Variants in MBNL1 observed in about 807,000 individuals in gnomAD.
MBNL1 encodes the protein muscleblind-like protein 1.
In MBNL1, 8 loss-of-function variants were observed where a neutral mutation model predicts 42.2. The observed-to-expected ratio is 0.19, with a 90% CI of 0.11 to 0.34. The LOEUF (loss-of-function observed/expected upper bound fraction) is 0.34, where lower values mean the gene tolerates loss of function less well. Among genes scored for constraint, MBNL1 ranks in the 10% least tolerant of loss-of-function variants. The pLI, the probability that MBNL1 is intolerant of heterozygous loss-of-function variation, is 1.00. For synonymous variants in MBNL1, 169 were observed against 173.9 expected (o/e 0.97, Z 0.22); for missense variants, 309 against 495.3 (o/e 0.62, Z 3.57).
chr3:152,387,241 ATTTTT>A (rs35150728), intron 2 of MBNL1, among the ~76,000 whole-genome samples: 1 of 136,274 alleles, frequency 7.3e-6, no homozygotes, highest in Non-Finnish European at 1.6e-5. Flanking sequence ...CAGTCTGTGT[ATTTTT>A]TTTTTTTTTT....
rs111981730 is a variant in MBNL1 at position 152,447,537 on chromosome 3, A to G, written c.808-83A>G. The G allele has an allele frequency of 9.0e-5, 103 of 1,150,728 alleles. No individual in the cohort carries two copies. In the African/African-American group the frequency reaches 1.5e-3, roughly 17 times the overall value. The allele number at this position is 1,150,728 out of a possible 1,614,324, so 71.3% of individuals were successfully genotyped here. ...GCTGCTTGCTTGCTCATGCTTCCTA[A>G]CAATTTTAGCCTTCGACTGATTTTT... On this transcript the variant is annotated intron_variant, in intron 5 of 9. Coordinates refer to ENST00000324210, the MANE Select transcript of MBNL1 (RefSeq NM_021038.5).
intron 2 of MBNL1, among the ~76,000 whole-genome samples, chr3:152,403,901 G>T (rs980410921): frequency 1.3e-5 from 2 of 152,146 alleles, no homozygotes; most frequent in Non-Finnish European, 2.9e-5. Context: ...AGGGAGGGGA[G>T]TGTTTTCTCC....
upstream of MBNL1, chr3:152,263,570 T>G (rs1393581744): frequency 6.6e-6 from 1 of 152,192 alleles, no homozygotes; most frequent in Admixed American, 6.5e-5. Context: ...CCCCAGCCAT[T>G]TGCTGTCTGT....
intron 4 of MBNL1, 134 bp downstream of exon 4, chr3:152,433,054 A>G (rs2099027026): frequency 1.5e-6 from 1 of 685,908 alleles, no homozygotes; most frequent in Non-Finnish European, 2.5e-6. Context: ...GGTTTGGAAC[A>G]TTTTACTAGA....
At chr3:152,333,839 A>G (rs1366162045) in intron 2 of MBNL1, among the ~76,000 whole-genome samples, 1 of 152,232 alleles carries the variant, frequency 6.6e-6, no homozygotes, top group Admixed American at 6.5e-5. Context: ...CAAATAAATG[A>G]AAATCAAAAT....
chr3:152,377,923 G>C (rs1193241184), intron 2 of MBNL1, among the ~76,000 whole-genome samples: 1 of 152,162 alleles, frequency 6.6e-6, no homozygotes, highest in Non-Finnish European at 1.5e-5. Flanking sequence ...TCTCATTAGT[G>C]TTATAACTAA....
intron 1 of MBNL1, among the ~76,000 whole-genome samples, chr3:152,291,389 A>G (rs1431919604): frequency 6.6e-6 from 1 of 152,194 alleles, no homozygotes; most frequent in Non-Finnish European, 1.5e-5. Context: ...TCAAGGAGGT[A>G]TTTAAATATG....
intron 2 of MBNL1, among the ~76,000 whole-genome samples, chr3:152,381,060 G>C (rs1265906037): frequency 1.3e-5 from 2 of 151,920 alleles, no homozygotes; most frequent in African/African-American, 4.8e-5. Context: ...AATCCAAATG[G>C]CAACAACCAT....
chr3:152,459,125 A>T, intron 8 of MBNL1, 146 bp from the exon 9 acceptor site: 2 of 439,688 alleles, frequency 4.5e-6, no homozygotes, highest in Non-Finnish European at 8.3e-6. Flanking sequence ...GTTTACATTA[A>T]CTTACTGTTA....
At chr3:152,355,641 G>A (rs2095461716) in intron 2 of MBNL1, among the ~76,000 whole-genome samples, 1 of 152,120 alleles carries the variant, frequency 6.6e-6, no homozygotes. Context: ...TTAGAAAAGT[G>A]TAATTTTTTA....
intron 2 of MBNL1, among the ~76,000 whole-genome samples, chr3:152,318,866 T>C (rs2074198062): frequency 1.3e-5 from 2 of 152,186 alleles, no homozygotes; most frequent in South Asian, 2.1e-4. Context: ...CCAGTTCAAA[T>C]TGTAATATCC....
intron 2 of MBNL1, among the ~76,000 whole-genome samples, chr3:152,349,072 T>G (rs759988494): frequency 3.3e-5 from 5 of 152,088 alleles, no homozygotes; most frequent in Non-Finnish European, 7.4e-5. Context: ...AGGGAAGAAC[T>G]TTGGCTGACA....
At chr3:152,296,218 C>T (rs573106764) in intron 1 of MBNL1, among the ~76,000 whole-genome samples, 1 of 152,260 alleles carries the variant, frequency 6.6e-6, no homozygotes, top group Non-Finnish European at 1.5e-5. Flanking sequence ...TTCCTCCTGC[C>T]ATGTCACCGT....
intron 2 of MBNL1, among the ~76,000 whole-genome samples, chr3:152,249,759 G>A (rs1246240596): frequency 4.5e-5 from 6 of 134,640 alleles, no homozygotes; most frequent in South Asian, 2.5e-4. Context: ...TAGGTCTAAC[G>A]GTTAAGTCTT....
At chr3:152,455,702 T>C (rs753848474) in intron 7 of MBNL1, 125 bp downstream of exon 7, 39 of 793,672 alleles carry the variant, frequency 4.9e-5, no homozygotes, top group Non-Finnish European at 6.8e-5. Context: ...CTAACACTTG[T>C]CAATTAAATG....
rs548931128 is a variant in MBNL1, at chr3:152,450,609, G to A, written c.961+2836G>A. ...AGACTTTGCCTTTTGTTGCCTCAGAGGATTGTCTGCCTGGCAGGTTGTACT... is the reference window on the plus strand; with the variant it reads ...AGACTTTGCCTTTTGTTGCCTCAGAAGATTGTCTGCCTGGCAGGTTGTACT... On this transcript the variant is annotated intron_variant, in intron 6 of 9. Transcript: ENST00000324210. Among the ~76,000 whole-genome samples the A allele has an allele frequency of 3.9e-5, 6 of 152,306 alleles. No individual in the cohort carries two copies. In the South Asian group the frequency reaches 1.0e-3, roughly 26 times the overall value.
chr3:152,263,532 T>C (rs1193990259), upstream of MBNL1: 1 of 152,214 alleles, frequency 6.6e-6, no homozygotes, highest in East Asian at 1.9e-4. Context: ...CCGAGGGTCT[T>C]CAACCAAATC....
At chr3:152,408,883 T>A (rs78022870) in intron 2 of MBNL1, among the ~76,000 whole-genome samples, 2,420 of 152,232 alleles carry the variant, frequency 0.016, 56 homozygotes, top group African/African-American at 0.055. Context: ...CATAGTACAA[T>A]GCACAGGACA....
chr3:152,367,939 T>A (rs545338109), intron 2 of MBNL1, among the ~76,000 whole-genome samples: 6 of 152,192 alleles, frequency 3.9e-5, no homozygotes, highest in South Asian at 4.2e-4. Flanking sequence ...GTCAAATGGA[T>A]AGATTGCAAA....
Sources: allele counts gnomAD v4.1 joint callset (sites outside exome capture counted in the v4.1 genomes callset), GRCh38; gene constraint gnomAD v4.1.1; transcripts MANE v1.5; gene names NCBI Gene and HGNC (gene_info 2026-07-23, HGNC 2026-07-21).